Variants in PIWIL2 observed in about 807,000 individuals in gnomAD.
PIWIL2 encodes the protein piwi-like protein 2.
Under a neutral mutation model 116.5 loss-of-function variants are expected in PIWIL2, and 81 were observed. The ratio of observed to expected loss-of-function variants is 0.70; its 90% CI spans 0.58 to 0.84. PIWIL2 has a LOEUF of 0.84. Ranked by LOEUF, PIWIL2 falls within the 40% of genes least tolerant of loss-of-function variation. The pLI is 0.00. For synonymous variants in PIWIL2, 489 were observed against 429.5 expected (o/e 1.14, Z -1.71); for missense variants, 1,272 against 1,212.3 (o/e 1.05, Z -0.73).
At chr8:22,335,616 C>T (rs1222378732) in intron 20 of PIWIL2, among the ~76,000 whole-genome samples, 2 of 144,008 alleles carry the variant, frequency 1.4e-5, no homozygotes. Flanking sequence ...GGCATGATCT[C>T]GGCTCACTGC....
chr8:22,353,315 G>T, intron 21 of PIWIL2, 103 bp downstream of exon 21: 1 of 975,438 alleles, frequency 1.0e-6, no homozygotes, highest in Non-Finnish European at 1.6e-6. Flanking sequence ...TTGTGGACTA[G>T]AATCTCAGAG....
chr8:22,351,675 C>G (rs759919421), intron 20 of PIWIL2, among the ~76,000 whole-genome samples: 2 of 149,948 alleles, frequency 1.3e-5, no homozygotes, highest in East Asian at 4.0e-4. Flanking sequence ...ATAGCTGGGA[C>G]TACAGGTGTG....
At chr8:22,318,427 C>T (rs987285774) in intron 20 of PIWIL2, 152 bp downstream of exon 20, 11 of 547,788 alleles carry the variant, frequency 2.0e-5, no homozygotes, top group Non-Finnish European at 3.3e-5. Context: ...AAGCGGTTCT[C>T]CTGCCTCAGC....
In PIWIL2 at chr8:22,275,411, C is replaced by G. The variant is rs1586521433; in HGVS notation, c.-47+13C>G. 2 of 152,518 alleles carry G rather than the reference C, an allele frequency of 1.3e-5. No homozygotes were observed. The highest frequency in any genetic ancestry group is 4.8e-5 in the African/African-American group (2 of 41,572). The allele number at this position is 152,518 out of a possible 1,614,324, so 9.4% of individuals were successfully genotyped here. A position where few individuals can be genotyped will look rare whatever the true frequency, so the allele number is the denominator to read the frequency against. On this transcript the variant is annotated intron_variant, in intron 1 of 22. Transcript: ENST00000356766. ...GACTCGCGCACAGGTGAGTACTGGC[C>G]CCGGTTGCGGCATGCCAGGCAGGCC...
intron 1 of PIWIL2, among the ~76,000 whole-genome samples, chr8:22,278,124 C>T (rs774938031): frequency 6.6e-6 from 1 of 151,502 alleles, no homozygotes; most frequent in Non-Finnish European, 1.5e-5. Flanking sequence ...GCCAAGATTG[C>T]ACCATTGCAC....
At chr8:22,293,065 T>C (rs771841918) in intron 10 of PIWIL2, among the ~76,000 whole-genome samples, 1 of 152,246 alleles carries the variant, frequency 6.6e-6, no homozygotes, top group Non-Finnish European at 1.5e-5. Flanking sequence ...CGGCTATTTC[T>C]TTTTTTGCAG....
chr8:22,323,180 C>T (rs1345807658), intron 20 of PIWIL2, among the ~76,000 whole-genome samples: 1 of 106,532 alleles, frequency 9.4e-6, no homozygotes, highest in Non-Finnish European at 1.7e-5. Flanking sequence ...CAGAGTCTTG[C>T]TCTGTCGCCC....
intron 10 of PIWIL2, among the ~76,000 whole-genome samples, chr8:22,291,125 T>C (rs1271825144): frequency 3.3e-5 from 5 of 151,672 alleles, no homozygotes; most frequent in Non-Finnish European, 7.4e-5. Context: ...CCCGCCACCA[T>C]GTCCGGCTAA....
chr8:22,329,357 C>T (rs377272022), intron 20 of PIWIL2, among the ~76,000 whole-genome samples: 18 of 152,116 alleles, frequency 1.2e-4, no homozygotes, highest in African/African-American at 2.2e-4. Flanking sequence ...AGGCTTTACA[C>T]GAAGCATAAT....
intron 20 of PIWIL2, among the ~76,000 whole-genome samples, chr8:22,346,379 C>G (rs907571351): frequency 6.6e-6 from 1 of 152,182 alleles, no homozygotes; most frequent in Admixed American, 6.5e-5. Context: ...AGAATGCCTT[C>G]GCATGCTTGG....
chr8:22,278,827 T>A (rs1416032798), intron 1 of PIWIL2, among the ~76,000 whole-genome samples: 1 of 152,168 alleles, frequency 6.6e-6, no homozygotes, highest in Non-Finnish European at 1.5e-5. Context: ...GCAAACCCTC[T>A]TGTGAACTTC....
chr8:22,305,785 G>A, intron 12 of PIWIL2, 142 bp from the exon 13 acceptor site: 1 of 651,602 alleles, frequency 1.5e-6, no homozygotes, highest in Non-Finnish European at 2.8e-6. Flanking sequence ...GCATTTCACT[G>A]CTCTCTCCTC....
At chr8:22,307,206 C>T (rs1423144355) in intron 13 of PIWIL2, among the ~76,000 whole-genome samples, 1 of 152,080 alleles carries the variant, frequency 6.6e-6, no homozygotes, top group African/African-American at 2.4e-5. Flanking sequence ...TTTTATTATA[C>T]AGATGGGGTC....
intron 14 of PIWIL2, among the ~76,000 whole-genome samples, chr8:22,308,830 G>A (rs917883386): frequency 9.2e-5 from 14 of 152,034 alleles, no homozygotes; most frequent in Admixed American, 2.6e-4. Flanking sequence ...TGTATTTTTA[G>A]TAGAGACGGA....
At chr8:22,286,999 C>T (rs117184671) in intron 6 of PIWIL2, among the ~76,000 whole-genome samples, 7,367 of 151,726 alleles carry the variant, frequency 0.049, 279 homozygotes, top group Admixed American at 0.08. Context: ...GCAGAAGGAT[C>T]ACTTGAGCCC....
At chr8:22,321,151 A>G (rs1463648826) in intron 20 of PIWIL2, among the ~76,000 whole-genome samples, 1 of 152,166 alleles carries the variant, frequency 6.6e-6, no homozygotes, top group Non-Finnish European at 1.5e-5. Context: ...CTAGAATAAA[A>G]CTGGCTCATC....
In PIWIL2 at chr8:22,281,387, T is replaced by G; in HGVS notation, c.297T>G (p.Ile99Met). The change falls in exon 4 of 23, where the codon ATT (isoleucine) becomes ATG (methionine). Residue 99 changes from isoleucine (I) to methionine (M), a missense_variant. Transcript: ENST00000356766. Reference sequence around the variant, plus strand: ...GGTTCTTTCTTTCAGGTAGAGGCATTTTAGGTCGAGGCTTGTCTGCTAATC... The same window carrying G: ...GGTTCTTTCTTTCAGGTAGAGGCATGTTAGGTCGAGGCTTGTCTGCTAATC... ...KREMLPSGRG[I>M]LGRGLSANLV... The G allele has an allele frequency of 6.2e-7, 1 of 1,609,436 alleles. No homozygotes were observed. Among genetic ancestry groups the G allele is most frequent in the Non-Finnish European group, 8.5e-7 (1 of 1,179,036 alleles).
rs1328892491 is a variant in PIWIL2, at chr8:22,351,436, CATACATATATATATATATATATAT to C, written c.2404-1519_2404-1496del. Among the ~76,000 whole-genome samples, 81 of 46,264 alleles carry C rather than the reference CATACATATATATATATATATATAT, an allele frequency of 1.8e-3. 5 individuals carry two copies. Among genetic ancestry groups the C allele is most frequent in the Middle Eastern group, 0.019 (1 of 54 alleles). The allele number at this position is 46,264 out of a possible 152,430, so 30.4% of individuals were successfully genotyped here. ...AGTAACCTGTAAGGAACAGTGCATA[CATACATATATATATATATATATAT>C]ATATATATATATATATATATATAAT... On this transcript the variant is annotated intron_variant, in intron 20 of 22. Transcript: ENST00000356766.
At chr8:22,290,169 A>G in intron 9 of PIWIL2, 64 bp from the exon 10 acceptor site, 1 of 957,886 alleles carries the variant, frequency 1.0e-6, no homozygotes, top group Non-Finnish European at 1.7e-6. Context: ...TTTTGTTCAC[A>G]TGGGGGCATG....
Sources: allele counts gnomAD v4.1 joint callset (sites outside exome capture counted in the v4.1 genomes callset), GRCh38; gene constraint gnomAD v4.1.1; transcripts MANE v1.5; gene names NCBI Gene and HGNC (gene_info 2026-07-23, HGNC 2026-07-21).